Variants in STK31 observed in about 807,000 individuals in gnomAD.
The protein encoded by STK31 is serine/threonine kinase 31, also known as serine/threonine-protein kinase 31.
STK31 carries 89 observed loss-of-function variants against 129.7 expected under a neutral mutation model. The observed-to-expected ratio is 0.69, with a 90% confidence interval of 0.58 to 0.82. The LOEUF (loss-of-function observed/expected upper bound fraction) is 0.82, where lower values mean the gene tolerates loss of function less well. STK31 is among the 40% of genes least tolerant of loss of function. The pLI, the probability that STK31 is intolerant of heterozygous loss-of-function variation, is 0.00. For missense variants in STK31, 1,187 were observed against 1,176.4 expected (o/e 1.01, Z -0.13); for synonymous variants, 448 against 395.3 (o/e 1.13, Z -1.58).
chr7:23,783,787 TATGGG>T, intron 17 of STK31, 124 bp downstream of exon 17: 1 of 711,420 alleles, frequency 1.4e-6, no homozygotes, highest in Non-Finnish European at 2.2e-6. Flanking sequence ...ATGAATATTT[TATGGG>T]TATTAGAACT....
At chr7:23,797,443 C>T (rs1040413819) in intron 22 of STK31, among the ~76,000 whole-genome samples, 1 of 152,182 alleles carries the variant, frequency 6.6e-6, no homozygotes, top group African/African-American at 2.4e-5. Flanking sequence ...AATTAGAACT[C>T]AGGATTAAGA....
intron 22 of STK31, among the ~76,000 whole-genome samples, chr7:23,798,503 A>G (rs1382635876): frequency 9.1e-6 from 1 of 109,802 alleles, no homozygotes; most frequent in Non-Finnish European, 2.1e-5. Flanking sequence ...CAAAAACCAC[A>G]TGATTACCTC....
chr7:23,741,831 G>C (rs1584364934), intron 8 of STK31, among the ~76,000 whole-genome samples: 1 of 152,190 alleles, frequency 6.6e-6, no homozygotes, highest in Admixed American at 6.5e-5. Flanking sequence ...TGTTGTCCCA[G>C]GTGTGCATAG....
At chr7:23,801,394 GT>G (rs2128120745) in intron 22 of STK31, among the ~76,000 whole-genome samples, 1 of 151,924 alleles carries the variant, frequency 6.6e-6, no homozygotes, top group South Asian at 2.1e-4. Flanking sequence ...TTGGATTTTT[GT>G]TTTATTGCTG....
At chr7:23,821,504 A>G (rs1793782210) in intron 23 of STK31, among the ~76,000 whole-genome samples, 1 of 152,072 alleles carries the variant, frequency 6.6e-6, no homozygotes, top group Admixed American at 6.6e-5. Flanking sequence ...CCACTTTTTA[A>G]TGGAATTGTT....
chr7:23,721,111 C>T (rs949895585), intron 4 of STK31, among the ~76,000 whole-genome samples: 12 of 152,130 alleles, frequency 7.9e-5, no homozygotes, highest in African/African-American at 2.9e-4. Flanking sequence ...CAGCATTCTT[C>T]CAAGATTTAA....
rs1785877712 is a variant in STK31 at position 23,710,519 on chromosome 7, C to T, written c.50+184C>T. 4 of 1,452,178 alleles carry T rather than the reference C, an allele frequency of 2.8e-6. No individual in the cohort carries two copies. The East Asian group carries it at 1.0e-4, about 36-fold the overall frequency. 90.0% of individuals were successfully genotyped at this position (1,452,178 alleles called of 1,614,324 possible). On this transcript the variant is annotated intron_variant, in intron 1 of 23. Coordinates refer to ENST00000355870, the MANE Select transcript of STK31 (RefSeq NM_031414.5). ...CAGTTTTTGAGTGCATGCAGGCAGG[C>T]GAAAGTGGCTCGAAAAGACCTCCGG...
At chr7:23,816,789 T>A (rs544260520) in intron 23 of STK31, among the ~76,000 whole-genome samples, 60 of 152,294 alleles carry the variant, frequency 3.9e-4, no homozygotes, top group Non-Finnish European at 8.4e-4. Context: ...TTGATAGTAT[T>A]CTCTCTAAAG....
At chr7:23,723,840 T>C (rs1014849916) in intron 4 of STK31, among the ~76,000 whole-genome samples, 1 of 152,312 alleles carries the variant, frequency 6.6e-6, no homozygotes, top group Non-Finnish European at 1.5e-5. Flanking sequence ...TTCTTCACTT[T>C]GTTGAGTACT....
chr7:23,743,146 G>C (rs1488607947), intron 8 of STK31, among the ~76,000 whole-genome samples: 1 of 149,362 alleles, frequency 6.7e-6, no homozygotes, highest in Non-Finnish European at 1.5e-5. Flanking sequence ...TAGAAACGGG[G>C]TTTCACCATG....
Position 23,772,355 on chromosome 7 carries a change from A to G in STK31, c.1965+77A>G, listed in dbSNP as rs186233299. On this transcript the variant is annotated intron_variant, in intron 15 of 23. Transcript: ENST00000355870. ...GGTCTCTGCTTCATAAAAATAATGC[A>G]TAAATACACTCTTTACAATAAGAGA... 6.4e-6 allele frequency: 9 copies of G among 1,417,006 alleles called. No individual in the cohort carries two copies. The East Asian group carries it at 1.9e-4, about 31-fold the overall frequency. The allele number at this position is 1,417,006 out of a possible 1,614,324, so 87.8% of individuals were successfully genotyped here. A position where few individuals can be genotyped will look rare whatever the true frequency, so the allele number is the denominator to read the frequency against.
At chr7:23,795,217 C>T (rs1305256584) in intron 22 of STK31, among the ~76,000 whole-genome samples, 3 of 152,202 alleles carry the variant, frequency 2.0e-5, no homozygotes, top group African/African-American at 7.2e-5. Flanking sequence ...AGCCTTCAGA[C>T]ATGGTGCCCT....
intron 8 of STK31, among the ~76,000 whole-genome samples, chr7:23,750,067 T>TCCCCCGC: frequency 1.1e-5 from 1 of 90,624 alleles, no homozygotes; most frequent in Admixed American, 1.4e-4. Flanking sequence ...ATGGTTTGTT[T>TCCCCCGC]CCCCCCCCGC....
chr7:23,784,120 G>A (rs1436395245), intron 17 of STK31, among the ~76,000 whole-genome samples: 3 of 152,070 alleles, frequency 2.0e-5, no homozygotes, highest in Non-Finnish European at 4.4e-5. Context: ...AGGTAGGCAG[G>A]ATTCAAAAGC....
intron 6 of STK31, among the ~76,000 whole-genome samples, chr7:23,735,316 G>T (rs1311163652): frequency 6.6e-6 from 1 of 152,104 alleles, no homozygotes; most frequent in Admixed American, 6.6e-5. Context: ...ATTTATAAAG[G>T]TGGCTGCCTG....
intron 15 of STK31, among the ~76,000 whole-genome samples, chr7:23,773,955 C>T (rs184765201): frequency 6.4e-4 from 97 of 151,864 alleles, no homozygotes; most frequent in Admixed American, 2.2e-3. Flanking sequence ...CAACAGACCC[C>T]GGGGTGTGAT....
chr7:23,747,582 A>T (rs1185831861), intron 8 of STK31, among the ~76,000 whole-genome samples: 1 of 151,918 alleles, frequency 6.6e-6, no homozygotes, highest in Non-Finnish European at 1.5e-5. Flanking sequence ...GTTAGCCAGG[A>T]TGGTCTCAAT....
chr7:23,769,493 T>G, intron 12 of STK31, 147 bp from the exon 13 acceptor site: 1 of 562,974 alleles, frequency 1.8e-6, no homozygotes, highest in Non-Finnish European at 3.0e-6. Context: ...GCATAAATTT[T>G]ATGAGGGTAG....
intron 11 of STK31, among the ~76,000 whole-genome samples, chr7:23,767,360 T>C (rs139951057): frequency 5.3e-5 from 8 of 152,166 alleles, no homozygotes; most frequent in African/African-American, 1.9e-4. Flanking sequence ...TAGGGAAGAG[T>C]GAAAGTCTGG....
Sources: gnomAD v4.1 joint callset for allele counts (sites outside exome capture counted in the v4.1 genomes callset) on GRCh38, gnomAD v4.1.1 for gene constraint, MANE v1.5 for transcripts, NCBI Gene and HGNC (gene_info 2026-07-23, HGNC 2026-07-21) for gene names.